Variants in PPFIA1 observed in about 807,000 individuals in gnomAD.
The protein encoded by PPFIA1 is liprin-alpha-1.
A neutral mutation model predicts 149.9 loss-of-function variants in PPFIA1; 25 were observed. The observed-to-expected ratio is 0.17, with a 90% CI of 0.12 to 0.23. The LOEUF (loss-of-function observed/expected upper bound fraction) is 0.23, where lower values mean the gene tolerates loss of function less well. Ranked by LOEUF, PPFIA1 falls within the 10% of genes least tolerant of loss-of-function variation. The pLI is 1.00. For synonymous variants in PPFIA1, 549 were observed against 552.8 expected (o/e 0.99, Z 0.10); for missense variants, 1,362 against 1,506.5 (o/e 0.90, Z 1.59).
chr11:70,373,851 A>G (rs2057374681), intron 23 of PPFIA1: 1 of 152,204 alleles, frequency 6.6e-6, no homozygotes. Flanking sequence ...GAAAAGTCGT[A>G]AGTCGACATT....
At chr11:70,382,461 G>C (rs1308054939) in intron 27 of PPFIA1, among the ~76,000 whole-genome samples, 1 of 152,220 alleles carries the variant, frequency 6.6e-6, no homozygotes, top group Non-Finnish European at 1.5e-5. Context: ...GAGTGGGGAG[G>C]AGAGCAGAGC....
chr11:70,307,946 C>T (rs989789986), intron 2 of PPFIA1, among the ~76,000 whole-genome samples: 5 of 152,196 alleles, frequency 3.3e-5, no homozygotes, highest in South Asian at 2.1e-4. Context: ...GAAAAAAGCT[C>T]TGTCCTAATC....
At position 70,354,419 on chromosome 11, in the gene PPFIA1, C is replaced by T; in HGVS notation, c.2282C>T (p.Thr761Ile). The change falls in exon 17 of 28, where the codon ACC becomes ATC. Residue 761 changes from threonine to isoleucine, a missense_variant. Physicochemically the swap from Thr to Ile is moderately conservative, Grantham distance 89. This residue lies in a region of PPFIA1 where 733 missense variants were observed against 744.1 expected (regional missense o/e 0.99). Coordinates refer to ENST00000253925, the MANE Select transcript of PPFIA1 (RefSeq NM_003626.5). ...LDRLHKGALHTVSHEDIRDIR... is the reference protein window; with the variant it reads ...LDRLHKGALHIVSHEDIRDIR... The stretch of plus-strand genomic sequence containing the variant: ...CGGCTGCACAAAGGGGCGCTGCACA[C>T]CGTCAGCCACGAGGACATCAGGGAC... The T allele has an allele frequency of 6.2e-7, 1 of 1,613,996 alleles. No individual in the cohort carries two copies. The highest frequency in any genetic ancestry group is 1.3e-5 in the African/African-American group (1 of 75,000).
At chr11:70,363,636 C>T (rs2056775154) in intron 21 of PPFIA1, among the ~76,000 whole-genome samples, 1 of 152,148 alleles carries the variant, frequency 6.6e-6, no homozygotes, top group Admixed American at 6.5e-5. Context: ...ACCTCAGCCT[C>T]CCAAGTAGTT....
intron 2 of PPFIA1, among the ~76,000 whole-genome samples, chr11:70,323,519 G>T (rs878889211): frequency 6.6e-6 from 1 of 152,174 alleles, no homozygotes; most frequent in Non-Finnish European, 1.5e-5. Flanking sequence ...GGGTGGAACT[G>T]GGGGAGAGGG....
intron 5 of PPFIA1, among the ~76,000 whole-genome samples, 194 bp from the exon 6 acceptor site, chr11:70,326,068 G>T (rs779120924): frequency 6.6e-6 from 1 of 152,004 alleles, no homozygotes; most frequent in Admixed American, 6.6e-5. Flanking sequence ...CTAAGGACTC[G>T]TCTGGCCAGT....
In PPFIA1 at chr11:70,348,206, A is replaced by C; in HGVS notation, c.1949A>C (p.Lys650Thr). ...NKEIRLIQEE[K>T]ENTEQRAEEI... is the part of the protein sequence containing the mutation. ...TATTTTAGGTTGATTCAGGAAGAAA[A>C]AGAAAATACAGAGCAGCGGGCAGAG... Residue 650 changes from lysine to threonine, a missense_variant, in exon 16 of 28, where the codon AAA becomes ACA. Physicochemically the swap from Lys to Thr is moderately conservative, Grantham distance 78 (BLOSUM62 -1). This residue lies in a region of PPFIA1 where 733 missense variants were observed against 744.1 expected (regional missense o/e 0.99). Coordinates refer to ENST00000253925, the MANE Select transcript of PPFIA1 (RefSeq NM_003626.5). The C allele has an allele frequency of 6.2e-7, 1 of 1,614,172 alleles. No individual in the cohort carries two copies. The highest frequency in any genetic ancestry group is 2.2e-5 in the East Asian group (1 of 44,880).
At chr11:70,350,928 A>G (rs910993847) in intron 16 of PPFIA1, 11 of 994,698 alleles carry the variant, frequency 1.1e-5, no homozygotes, top group Non-Finnish European at 1.4e-5. Flanking sequence ...TGATCCTTGA[A>G]TTTTTAACTT....
chr11:70,330,193 T>C lies in PPFIA1; in HGVS notation c.951T>C (p.Asp317=). 6.3e-7 allele frequency: 1 copy of C among 1,599,488 alleles called. No homozygotes were observed. Among genetic ancestry groups the C allele is most frequent in the South Asian group, 1.1e-5 (1 of 87,918 alleles). The part of the protein sequence containing the change: ...DVREAMAQKE[D]MEERITTLEK... ...TTTAGGCCATGGCCCAAAAGGAAGATATGGAAGAGAGAATCACTACTCTTG... is the reference window on the plus strand; with the variant it reads ...TTTAGGCCATGGCCCAAAAGGAAGACATGGAAGAGAGAATCACTACTCTTG... The change falls in exon 8 of 28, where the codon GAT becomes GAC. Residue 317 remains aspartate (D), a synonymous_variant. Transcript: ENST00000253925.
intron 2 of PPFIA1, among the ~76,000 whole-genome samples, chr11:70,306,527 T>C (rs1475435239): frequency 1.3e-5 from 2 of 152,148 alleles, no homozygotes; most frequent in Non-Finnish European, 2.9e-5. Flanking sequence ...TGATGTAAAA[T>C]AAATAAGGGG....
chr11:70,350,945 GTATA>G (rs2056019235), intron 16 of PPFIA1: 1 of 1,147,566 alleles, frequency 8.7e-7, no homozygotes, highest in Non-Finnish European at 1.1e-6. Flanking sequence ...ACTTCAAAGT[GTATA>G]TAGTAAATCT....
chr11:70,271,215 C>A (rs1327327557), intron 1 of PPFIA1: 1 of 152,170 alleles, frequency 6.6e-6, no homozygotes, highest in African/African-American at 2.4e-5. Flanking sequence ...GAGCGGGCTC[C>A]GTTGTCAACG....
intron 10 of PPFIA1, among the ~76,000 whole-genome samples, chr11:70,333,841 G>C (rs765160429): frequency 6.6e-6 from 1 of 152,130 alleles, no homozygotes; most frequent in Non-Finnish European, 1.5e-5. Context: ...GGCCTATCAG[G>C]GGAACTGTTC....
chr11:70,361,497 C>T (rs1009471614), intron 19 of PPFIA1, among the ~76,000 whole-genome samples: 2 of 152,016 alleles, frequency 1.3e-5, no homozygotes, highest in African/African-American at 4.8e-5. Flanking sequence ...ATGTGGAAGC[C>T]GCAGATACAG....
chr11:70,278,105 T>G (rs1022135135), intron 2 of PPFIA1, among the ~76,000 whole-genome samples: 7 of 152,186 alleles, frequency 4.6e-5, no homozygotes, highest in African/African-American at 1.7e-4. Flanking sequence ...GAGAAGGTGT[T>G]TCACCATGTT....
chr11:70,318,115 A>C (rs1467585424), intron 2 of PPFIA1, among the ~76,000 whole-genome samples: 2 of 151,708 alleles, frequency 1.3e-5, no homozygotes, highest in Non-Finnish European at 2.9e-5. Context: ...ATTCACCTCC[A>C]CTGACCCGCA....
chr11:70,292,364 G>C (rs887740827), intron 2 of PPFIA1, among the ~76,000 whole-genome samples: 3 of 152,240 alleles, frequency 2.0e-5, no homozygotes, highest in Non-Finnish European at 2.9e-5. Flanking sequence ...CCCCTGTGTG[G>C]ATTCCCACAT....
intron 13 of PPFIA1, 93 bp downstream of exon 13, chr11:70,338,546 G>T: frequency 3.0e-6 from 3 of 1,008,684 alleles, no homozygotes; most frequent in Non-Finnish European, 4.6e-6. Flanking sequence ...GTGGCTAATG[G>T]TGTGACCTCA....
At chr11:70,355,412 G>A (rs1365589846) in intron 17 of PPFIA1, among the ~76,000 whole-genome samples, 2 of 152,118 alleles carry the variant, frequency 1.3e-5, no homozygotes, top group East Asian at 1.9e-4. Context: ...CGGAGTCAGG[G>A]CCTCCCCTGA....
Sources: gnomAD v4.1 joint callset for allele counts (sites outside exome capture counted in the v4.1 genomes callset) on GRCh38, gnomAD v4.1.1 for gene constraint, gnomAD v4.1.1 regional missense constraint, MANE v1.5 for transcripts, NCBI Gene and HGNC (gene_info 2026-07-23, HGNC 2026-07-21) for gene names.